Variants in CFAP54 observed in about 807,000 individuals in gnomAD.
CFAP54 encodes the protein cilia and flagella associated protein 54, also known as cilia- and flagella-associated protein 54.
CFAP54 carries 290 observed loss-of-function variants against 370.4 expected under a neutral mutation model. The observed-to-expected ratio is 0.78, with a 90% CI of 0.71 to 0.86. CFAP54 has a LOEUF of 0.86. Ranked by LOEUF, CFAP54 falls within the 40% of genes least tolerant of loss-of-function variation. The pLI, the probability that CFAP54 is intolerant of heterozygous loss-of-function variation, is 0.00. For synonymous variants in CFAP54, 1,206 were observed against 1,236.5 expected (o/e 0.98, Z 0.52); for missense variants, 3,399 against 3,528.7 (o/e 0.96, Z 0.93).
intron 14 of CFAP54, among the ~76,000 whole-genome samples, chr12:96,545,548 G>A (rs1008095950): frequency 7.9e-5 from 12 of 152,016 alleles, no homozygotes; most frequent in African/African-American, 2.7e-4. Flanking sequence ...TCATCAGTCC[G>A]TTAACCTGTT....
At chr12:96,591,745 G>T (rs1296160983) in intron 23 of CFAP54, among the ~76,000 whole-genome samples, 1 of 151,792 alleles carries the variant, frequency 6.6e-6, no homozygotes, top group African/African-American at 2.4e-5. Flanking sequence ...AAAAAAATTA[G>T]CCGGGCATGG....
In CFAP54 at chr12:96,686,518, G is replaced by C. The variant is rs141302421; in HGVS notation, c.6014+1280G>C. Among the ~76,000 whole-genome samples the C allele has an allele frequency of 3.6e-3, 548 of 152,308 alleles. 3 individuals are homozygous for C. The highest frequency in any genetic ancestry group is 0.013 in the African/African-American group (528 of 41,564). On this transcript the variant is annotated intron_variant, in intron 42 of 67. Transcript: ENST00000524981. Reference sequence around the variant, plus strand: ...CTGCTGGGTTTCTGGGGAGGCCTCAGGAAGCTTTCAATTATGACAGAAGGC... The same window carrying C: ...CTGCTGGGTTTCTGGGGAGGCCTCACGAAGCTTTCAATTATGACAGAAGGC...
chr12:96,720,681 C>T, intron 50 of CFAP54, 116 bp downstream of exon 50: 2 of 860,296 alleles, frequency 2.3e-6, no homozygotes, highest in Non-Finnish European at 3.1e-6. Flanking sequence ...CCATAGTATG[C>T]TTGCTTTTTA....
At position 96,708,736 on chromosome 12, in the gene CFAP54, T is replaced by G. The variant is rs1957573473; in HGVS notation, c.6657T>G (p.Cys2219Trp). The change falls in exon 48 of 68, where the codon TGT (cysteine) becomes TGG (tryptophan). Residue 2219 changes from cysteine to tryptophan, a missense_variant. By Grantham distance (215) the Cys-to-Trp change is radical (BLOSUM62 -2). Coordinates refer to ENST00000524981, the MANE Select transcript of CFAP54 (RefSeq NM_001306084.2). Reference protein sequence around the residue: ...FFLSVAATINCVPENKFKTVI... With the variant: ...FFLSVAATINWVPENKFKTVI... The stretch of plus-strand genomic sequence containing the variant: ...TAAGTGTGGCTGCGACAATAAATTG[T>G]GTCCCAGAAAATAAATTTAAGACAG... The G allele has an allele frequency of 6.2e-7, 1 of 1,612,390 alleles. No homozygotes were observed. Among genetic ancestry groups the G allele is most frequent in the South Asian group, 1.1e-5 (1 of 90,304 alleles).
chr12:96,490,287 A>G (rs1337093851), intron 1 of CFAP54, among the ~76,000 whole-genome samples: 1 of 152,222 alleles, frequency 6.6e-6, no homozygotes, highest in African/African-American at 2.4e-5. Flanking sequence ...ACTCCCAAAA[A>G]GGCAAACAGT....
intron 50 of CFAP54, among the ~76,000 whole-genome samples, chr12:96,723,229 TA>T (rs1277936092): frequency 6.6e-6 from 1 of 151,984 alleles, no homozygotes; most frequent in Non-Finnish European, 1.5e-5. Flanking sequence ...GTATAACAAC[TA>T]AAAAAAGTAA....
At chr12:96,510,630 A>AT (rs936265267) in intron 4 of CFAP54, among the ~76,000 whole-genome samples, 5 of 150,714 alleles carry the variant, frequency 3.3e-5, no homozygotes, top group East Asian at 1.9e-4. Flanking sequence ...CTTGGTGACT[A>AT]TTTTTTTTTC....
intron 11 of CFAP54, among the ~76,000 whole-genome samples, chr12:96,535,031 T>TGTGTGA (rs1448881539): frequency 1.3e-5 from 2 of 150,210 alleles, no homozygotes; most frequent in African/African-American, 5.0e-5. Context: ...TGTGTGTGTG[T>TGTGTGA]GTGTGTGTGT....
intron 26 of CFAP54, among the ~76,000 whole-genome samples, chr12:96,599,057 G>A (rs868789224): frequency 1.3e-5 from 2 of 151,950 alleles, no homozygotes; most frequent in Non-Finnish European, 2.9e-5. Context: ...TGTGCACAAC[G>A]TGCAGGTTTG....
rs1480219972 is a variant in CFAP54 at position 96,639,511 on chromosome 12, C to T, written c.4317-4667C>T. Among the ~76,000 whole-genome samples the T allele has an allele frequency of 6.6e-5, 10 of 152,296 alleles. No individual in the cohort carries two copies. In the East Asian group the frequency reaches 1.7e-3, roughly 26 times the overall value. ...ATTCTACCAGAGGTACAAGGAGGAG[C>T]TGGTACCATTCCTTCTGAAACTATT... On this transcript the variant is annotated intron_variant, in intron 32 of 67. Coordinates refer to ENST00000524981, the MANE Select transcript of CFAP54 (RefSeq NM_001306084.2).
chr12:96,811,598 A>T (rs1234577105), intron 63 of CFAP54, 138 bp from the exon 64 acceptor site: 2 of 505,948 alleles, frequency 4.0e-6, no homozygotes, highest in East Asian at 6.9e-5. Context: ...TTTCAGGTGA[A>T]TTGAAAACCC....
intron 32 of CFAP54, among the ~76,000 whole-genome samples, chr12:96,631,452 G>C (rs1378525507): frequency 2.0e-5 from 3 of 148,840 alleles, no homozygotes; most frequent in Non-Finnish European, 3.0e-5. Context: ...AATGCATGCT[G>C]TAATTTTTTT....
intron 22 of CFAP54, among the ~76,000 whole-genome samples, chr12:96,581,844 C>CA (rs1019320691): frequency 5.3e-5 from 8 of 151,972 alleles, no homozygotes; most frequent in Non-Finnish European, 7.4e-5. Flanking sequence ...TTAATGGTTC[C>CA]ATGGCATTGA....
chr12:96,652,802 G>C (rs1210067138), intron 36 of CFAP54, among the ~76,000 whole-genome samples: 6 of 151,980 alleles, frequency 3.9e-5, no homozygotes, highest in Non-Finnish European at 8.8e-5. Context: ...TATGGAAAGA[G>C]ATATAACATG....
intron 19 of CFAP54, among the ~76,000 whole-genome samples, chr12:96,573,664 TG>T (rs1310245425): frequency 6.6e-6 from 1 of 152,216 alleles, no homozygotes; most frequent in Non-Finnish European, 1.5e-5. Context: ...AAAATTAGTT[TG>T]GTTGAATGAG....
Position 96,707,286 on chromosome 12 carries a change from C to A in CFAP54, c.6529-1322C>A, listed in dbSNP as rs367660688. On this transcript the variant is annotated intron_variant, in intron 47 of 67. Coordinates refer to ENST00000524981, the MANE Select transcript of CFAP54 (RefSeq NM_001306084.2). Reference sequence around the variant, plus strand: ...GAATTTTTTTTTTCACATTTAATGTCTCTAAAATCAGAATGCATTTTACAG... The same window carrying A: ...GAATTTTTTTTTTCACATTTAATGTATCTAAAATCAGAATGCATTTTACAG... Among the ~76,000 whole-genome samples the A allele has an allele frequency of 2.0e-5, 3 of 151,672 alleles. 1 individual carries two copies.
chr12:96,661,032 C>T (rs1401605163), intron 38 of CFAP54, among the ~76,000 whole-genome samples: 1 of 151,978 alleles, frequency 6.6e-6, no homozygotes, highest in Non-Finnish European at 1.5e-5. Flanking sequence ...CCGGGAACCT[C>T]CACATGTTCA....
At chr12:96,865,426 C>T (rs755820195) in intron 67 of CFAP54, among the ~76,000 whole-genome samples, 2 of 152,072 alleles carry the variant, frequency 1.3e-5, no homozygotes, top group Non-Finnish European at 2.9e-5. Context: ...AGCTTAAACA[C>T]AGGCAAAACA....
Position 96,559,259 on chromosome 12 carries a change from T to C in CFAP54, c.2410+4457T>C, listed in dbSNP as rs528432107. On this transcript the variant is annotated intron_variant, in intron 17 of 67. Transcript: ENST00000524981. ...ACATTTAAAAATAACTAGAAGAGTA[T>C]ACTTGAATTGTTTGTAATACAAAGG... Among the ~76,000 whole-genome samples, 3 of 152,222 alleles carry C rather than the reference T, an allele frequency of 2.0e-5. No homozygotes were observed. In the South Asian group the frequency reaches 6.2e-4, roughly 32 times the overall value.
Sources: allele counts gnomAD v4.1 joint callset (sites outside exome capture counted in the v4.1 genomes callset), GRCh38; gene constraint gnomAD v4.1.1; transcripts MANE v1.5; gene names NCBI Gene and HGNC (gene_info 2026-07-23, HGNC 2026-07-21).